FRMPD4: variants seen among roughly 807,000 people sequenced by gnomAD.
FRMPD4 encodes FERM and PDZ domain-containing protein 4.
Under a neutral mutation model 94.1 loss-of-function variants are expected in FRMPD4, and 22 were observed. The ratio of observed to expected loss-of-function variants is 0.23; its 90% confidence interval spans 0.17 to 0.33. The LOEUF is 0.33. FRMPD4 is among the 10% of genes least tolerant of loss of function. The pLI is 1.00. For synonymous variants in FRMPD4, 631 were observed against 548.6 expected (o/e 1.15, Z -2.10); for missense variants, 1,111 against 1,339.9 (o/e 0.83, Z 2.67).
At chrX:12,335,752 C>T (rs1033172813) in intron 1 of FRMPD4, among the ~76,000 whole-genome samples, 1 of 111,982 alleles carries the variant, frequency 8.9e-6, no homozygotes, top group Non-Finnish European at 1.9e-5. Context: ...TTGCATTAGC[C>T]CTGAAGCCTG....
chrX:12,080,678 G>A (rs5933955), intron 3 of FRMPD4, among the ~76,000 whole-genome samples: 1,531 of 112,246 alleles, frequency 0.014, 7 homozygotes, highest in South Asian at 0.018. Flanking sequence ...AGAAAAATAA[G>A]AGGAAGCATC....
chrX:12,513,075 C>T (rs1431589258), intron 2 of FRMPD4, among the ~76,000 whole-genome samples: 1 of 111,728 alleles, frequency 9.0e-6, no homozygotes, highest in African/African-American at 3.3e-5. Flanking sequence ...GTTGTTTTTT[C>T]TTGTAAATTT....
chrX:12,583,119 G>A (rs983665073), intron 2 of FRMPD4, among the ~76,000 whole-genome samples: 1 of 111,868 alleles, frequency 8.9e-6, no homozygotes, highest in Non-Finnish European at 1.9e-5. Context: ...TTTGACCCTG[G>A]CATCTGCCAC....
chrX:11,959,119 C>T (rs776229680), intron 3 of FRMPD4, among the ~76,000 whole-genome samples: 59 of 112,686 alleles, frequency 5.2e-4, no homozygotes, highest in Non-Finnish European at 9.6e-4. Flanking sequence ...GAAGCAGGCA[C>T]ATCTTGTTCC....
intron 1 of FRMPD4, among the ~76,000 whole-genome samples, chrX:12,366,333 C>T (rs2056078129): frequency 8.9e-6 from 1 of 111,895 alleles, no homozygotes; most frequent in South Asian, 3.7e-4. Context: ...TGATGAACCT[C>T]CTTGCCATCA....
chrX:12,039,334 G>C (rs2054738804), intron 3 of FRMPD4, among the ~76,000 whole-genome samples: 1 of 108,692 alleles, frequency 9.2e-6, no homozygotes, highest in Non-Finnish European at 1.9e-5. Context: ...AATTCTTAAG[G>C]TGAAAACTTA....
chrX:12,172,080 C>T (rs1240490738), intron 1 of FRMPD4, among the ~76,000 whole-genome samples: 1 of 111,466 alleles, frequency 9.0e-6, no homozygotes, highest in Non-Finnish European at 1.9e-5. Flanking sequence ...GATAGTGGTA[C>T]ACTGTTGATG....
intron 1 of FRMPD4, among the ~76,000 whole-genome samples, chrX:12,480,493 A>T (rs1002233251): frequency 9.0e-6 from 1 of 111,475 alleles, no homozygotes; most frequent in Non-Finnish European, 1.9e-5. Flanking sequence ...CCTATTAAAA[A>T]TGTTTATGTT....
At chrX:12,688,125 G>A (rs1461986548) in intron 7 of FRMPD4, among the ~76,000 whole-genome samples, 1 of 111,859 alleles carries the variant, frequency 8.9e-6, no homozygotes, top group Admixed American at 9.5e-5. Context: ...GTGAACAAAT[G>A]GGCATGGCCA....
intron 3 of FRMPD4, among the ~76,000 whole-genome samples, chrX:12,096,110 A>G (rs1214684991): frequency 8.9e-6 from 1 of 112,522 alleles, no homozygotes; most frequent in Non-Finnish European, 1.9e-5. Flanking sequence ...TCAATTATTT[A>G]TTGAAGGTTA....
At chrX:12,215,675 A>G (rs1039220501) in intron 1 of FRMPD4, among the ~76,000 whole-genome samples, 1 of 111,983 alleles carries the variant, frequency 8.9e-6, no homozygotes, top group African/African-American at 3.2e-5. Context: ...TACATAATCC[A>G]TATCCACAGA....
intron 1 of FRMPD4, among the ~76,000 whole-genome samples, chrX:12,170,161 A>G (rs997475812): frequency 2.5e-4 from 26 of 103,465 alleles, no homozygotes; most frequent in South Asian, 4.7e-4. Context: ...AGACACTCTT[A>G]TCTTTCCAGA....
chrX:12,033,477 A>C (rs1244371447), intron 3 of FRMPD4, among the ~76,000 whole-genome samples: 4 of 111,511 alleles, frequency 3.6e-5, no homozygotes, highest in African/African-American at 9.8e-5. Flanking sequence ...AAGTGAAAGT[A>C]ATTGCAGATG....
At chrX:12,179,455 CAA>C (rs2056332830) in intron 1 of FRMPD4, among the ~76,000 whole-genome samples, 1 of 111,571 alleles carries the variant, frequency 9.0e-6, no homozygotes, top group African/African-American at 3.3e-5. Context: ...ATCTGAATCA[CAA>C]GAGAGTAATT....
chrX:12,555,922 T>C (rs2058591018), intron 2 of FRMPD4, among the ~76,000 whole-genome samples: 1 of 111,919 alleles, frequency 8.9e-6, no homozygotes, highest in African/African-American at 3.3e-5. Context: ...TTTTATTTTT[T>C]AGTGATGGGG....
intron 1 of FRMPD4, among the ~76,000 whole-genome samples, chrX:12,324,034 T>C (rs141826255): frequency 0.012 from 1,397 of 111,909 alleles, 25 homozygotes; most frequent in African/African-American, 0.043. Flanking sequence ...TAAGAATCTG[T>C]GTGCCATGGC....
At chrX:12,043,466 G>A (rs1242163176) in intron 3 of FRMPD4, among the ~76,000 whole-genome samples, 1 of 111,305 alleles carries the variant, frequency 9.0e-6, no homozygotes, top group African/African-American at 3.3e-5. Flanking sequence ...TTGCTCTAAA[G>A]GGTACAGGCA....
At chrX:12,514,139 G>A (rs971363834) in intron 2 of FRMPD4, among the ~76,000 whole-genome samples, 9 of 111,552 alleles carry the variant, frequency 8.1e-5, no homozygotes, top group African/African-American at 2.9e-4. Flanking sequence ...GGGTTTTCTA[G>A]ATATGGGATC....
intron 2 of FRMPD4, among the ~76,000 whole-genome samples, chrX:12,581,029 G>A (rs2058859617): frequency 8.9e-6 from 1 of 112,405 alleles, no homozygotes; most frequent in Admixed American, 9.4e-5. Context: ...AATAAACGTG[G>A]ACTACTGTAT....
Sources: allele counts gnomAD v4.1 joint callset (sites outside exome capture counted in the v4.1 genomes callset), GRCh38; gene constraint gnomAD v4.1.1; transcripts MANE v1.5; gene names NCBI Gene and HGNC (gene_info 2026-07-23, HGNC 2026-07-21).